The following PTPRN variants were observed in gnomAD, a reference collection of about 807,000 sequenced individuals.
PTPRN encodes the protein protein tyrosine phosphatase receptor type N.
A neutral mutation model predicts 108.5 loss-of-function variants in PTPRN; 70 were observed. That is an observed-to-expected ratio of 0.65 (90% CI 0.53 to 0.79). The LOEUF is 0.79. Ranked by LOEUF, PTPRN falls within the 30% of genes least tolerant of loss-of-function variation. The probability of loss-of-function intolerance (pLI) is 0.00; values close to 1 mark genes in which losing one functional copy is unlikely to be tolerated. For missense variants in PTPRN, 1,136 were observed against 1,295.5 expected (o/e 0.88, Z 1.89); for synonymous variants, 496 against 524.6 (o/e 0.95, Z 0.75).
At chr2:219,304,837 A>G (rs138735126) in intron 3 of PTPRN, among the ~76,000 whole-genome samples, 2 of 152,276 alleles carry the variant, frequency 1.3e-5, no homozygotes, top group East Asian at 1.9e-4. Context: ...AATTTCTTCC[A>G]TCTTAAGAAA....
chr2:219,294,069 G>A (rs1423209758), intron 19 of PTPRN: 4 of 523,162 alleles, frequency 7.6e-6, no homozygotes, highest in South Asian at 2.9e-5. Context: ...CTCCCAGCTC[G>A]GGGTGGTCCC....
At chr2:219,292,260 C>G (rs1418869649) in intron 19 of PTPRN, 1 of 152,788 alleles carries the variant, frequency 6.5e-6, no homozygotes, top group South Asian at 2.1e-4. Context: ...ACTTGGGGTC[C>G]CCTTGGACCT....
chr2:219,295,276 C>G, intron 18 of PTPRN, 135 bp from the exon 19 acceptor site: 1 of 929,846 alleles, frequency 1.1e-6, no homozygotes, highest in Non-Finnish European at 1.6e-6. Flanking sequence ...TAAGTTCCAG[C>G]GGTCCCAGGA....
At chr2:219,294,381 GGA>G (rs1233341130) in intron 19 of PTPRN, among the ~76,000 whole-genome samples, 2 of 150,980 alleles carry the variant, frequency 1.3e-5, no homozygotes, top group Non-Finnish European at 2.9e-5. Flanking sequence ...AGGGAGAAAT[GGA>G]GAGAGAGGGA....
chr2:219,300,453 T>C (rs1012731404), intron 8 of PTPRN, 194 bp from the exon 9 acceptor site: 7 of 559,848 alleles, frequency 1.3e-5, no homozygotes, highest in African/African-American at 9.5e-5. Context: ...GAATAAAGGA[T>C]TGAATGATTG....
At chr2:219,306,209 C>T (rs1477311398) in intron 3 of PTPRN, among the ~76,000 whole-genome samples, 1 of 152,128 alleles carries the variant, frequency 6.6e-6, no homozygotes, top group African/African-American at 2.4e-5. Context: ...TGACTCCTCT[C>T]TTTATAACCA....
chr2:219,301,852 C>A, intron 6 of PTPRN, 133 bp from the exon 7 acceptor site: 1 of 1,184,676 alleles, frequency 8.4e-7, no homozygotes, highest in Non-Finnish European at 1.2e-6. Context: ...CAAGAGATGC[C>A]CTCCCTTTCC....
At chr2:219,302,532 G>A in intron 5 of PTPRN, 41 bp from the exon 6 acceptor site, 1 of 1,613,470 alleles carries the variant, frequency 6.2e-7, no homozygotes, top group Non-Finnish European at 8.5e-7. Flanking sequence ...AGAAGTCCGG[G>A]CTGAGGGACT....
chr2:219,306,431 C>G (rs1400084284), intron 3 of PTPRN, among the ~76,000 whole-genome samples: 1 of 152,186 alleles, frequency 6.6e-6, no homozygotes, highest in Non-Finnish European at 1.5e-5. Flanking sequence ...ATAGACAGAG[C>G]AACCTATTGT....
chr2:219,297,414 A>G lies in PTPRN; in HGVS notation c.1907T>C (p.Met636Thr). ...FEYQDLCRQH[M>T]ATKSLFNRAE... ...CCGGTTGAACAAGGACTTCGTGGCCATGTGCTGGCGGCACAGGTCCTGTGG... is the reference window on the plus strand; with the variant it reads ...CCGGTTGAACAAGGACTTCGTGGCCGTGTGCTGGCGGCACAGGTCCTGTGG... The change falls in exon 14 of 23, where the codon ATG (methionine) becomes ACG (threonine). Residue 636 changes from methionine to threonine, a missense_variant. Physicochemically the swap from Met to Thr is moderately conservative, Grantham distance 81 (BLOSUM62 -1). Transcript: ENST00000295718. This position sits in a 1 kb window ranked among gnomAD's most constrained non-coding sequence, Gnocchi z 6.0. The G allele has an allele frequency of 6.2e-7, 1 of 1,614,118 alleles. No homozygotes were observed. The highest frequency in any genetic ancestry group is 8.5e-7 in the Non-Finnish European group (1 of 1,180,030).
chr2:219,302,086 G>C, intron 6 of PTPRN, 51 bp downstream of exon 6: 1 of 1,470,372 alleles, frequency 6.8e-7, no homozygotes, highest in Non-Finnish European at 9.1e-7. Context: ...CCCCACCATG[G>C]TTCCCCCAAA....
chr2:219,290,814 G>A lies in PTPRN; in HGVS notation c.2794+12C>T. The stretch of plus-strand genomic sequence containing the variant: ...GCCTGGGGGCTGCGGGCACCGTGGG[G>A]AAGCTCCCTACCTTTTGCCATGCGG... On this transcript the variant is annotated intron_variant, in intron 21 of 22. Transcript: ENST00000295718. The surrounding 1 kb of genome is among the most constrained non-coding windows in gnomAD (Gnocchi z 4.2). 1 of 1,613,666 alleles carries A rather than the reference G, an allele frequency of 6.2e-7. No homozygotes were observed. Among genetic ancestry groups the A allele is most frequent in the Admixed American group, 1.7e-5 (1 of 60,016 alleles).
In PTPRN at chr2:219,297,025, C is replaced by T. The variant is rs1952215788; in HGVS notation, c.2196G>A (p.Glu732=). ...GATGCCGGTTCTTTTTGATGTTGCCCTCCCCCTGCGCGGTGGCACAGGTGT... is the reference window on the plus strand; with the variant it reads ...GATGCCGGTTCTTTTTGATGTTGCCTTCCCCCTGCGCGGTGGCACAGGTGT... ...EPNTCATAQG[E]GNIKKNRHPD... The change falls in exon 15 of 23, where the codon GAG becomes GAA. Residue 732 remains glutamate, a synonymous_variant. Transcript: ENST00000295718. The surrounding 1 kb of genome is among the most constrained non-coding windows in gnomAD (Gnocchi z 6.0). 6.2e-7 allele frequency: 1 copy of T among 1,614,030 alleles called. No individual in the cohort carries two copies. The highest frequency in any genetic ancestry group is 2.2e-5 in the East Asian group (1 of 44,862).
At chr2:219,299,825 A>T in intron 9 of PTPRN, 39 bp from the exon 10 acceptor site, 1 of 1,572,154 alleles carries the variant, frequency 6.4e-7, no homozygotes, top group Non-Finnish European at 8.7e-7. Context: ...AAGTGGGGCA[A>T]CCCTCTCAGT....
At chr2:219,299,026 G>A in intron 12 of PTPRN, 21 bp downstream of exon 12, 1 of 1,614,068 alleles carries the variant, frequency 6.2e-7, no homozygotes, top group Non-Finnish European at 8.5e-7. Flanking sequence ...GACTTGGACT[G>A]ATTCTCCAGT....
chr2:219,299,218 A>G, intron 11 of PTPRN, 87 bp downstream of exon 11: 1 of 1,599,502 alleles, frequency 6.3e-7, no homozygotes, highest in Non-Finnish European at 8.6e-7. Context: ...GGAACATTTC[A>G]AGGGGGCATC....
chr2:219,301,331 T>C (rs1952340630), intron 7 of PTPRN, among the ~76,000 whole-genome samples: 1 of 152,180 alleles, frequency 6.6e-6, no homozygotes, highest in Non-Finnish European at 1.5e-5. Flanking sequence ...CGATGCCTCC[T>C]TTTCCCTGCT....
intron 7 of PTPRN, 52 bp from the exon 8 acceptor site, chr2:219,301,029 A>C: frequency 6.3e-7 from 1 of 1,577,196 alleles, no homozygotes; most frequent in Non-Finnish European, 8.7e-7. Flanking sequence ...GCCAAGGTCT[A>C]CACAACACAA....
Position 219,300,954 on chromosome 2 carries a change from C to A in PTPRN, c.1150G>T (p.Asp384Tyr). ...NPGGVVNVGA[D>Y]IKKTMEGPVE... ...TGCTGGGGACTCACTTTCTTGATAT[C>A]AGCTCCAACATTTACAACCCCTCCT... The change falls in exon 8 of 23, where the codon GAT (aspartate) becomes TAT (tyrosine). Residue 384 changes from aspartate (D) to tyrosine (Y), a missense_variant. By Grantham distance (160) the Asp-to-Tyr change is radical. Transcript: ENST00000295718. The A allele has an allele frequency of 6.2e-7, 1 of 1,614,130 alleles. No individual in the cohort carries two copies. Among genetic ancestry groups the A allele is most frequent in the Non-Finnish European group, 8.5e-7 (1 of 1,180,006 alleles).
Sources: gnomAD v4.1 joint callset for allele counts (sites outside exome capture counted in the v4.1 genomes callset) on GRCh38, gnomAD v4.1.1 for gene constraint, Gnocchi (gnomAD v3.1) non-coding constraint, MANE v1.5 for transcripts, NCBI Gene and HGNC (gene_info 2026-07-23, HGNC 2026-07-21) for gene names.